SPAG16: variants seen among roughly 807,000 people sequenced by gnomAD.
SPAG16 encodes sperm associated antigen 16.
A neutral mutation model predicts 80.4 loss-of-function variants in SPAG16; 86 were observed. That is an observed-to-expected ratio of 1.07 (90% confidence interval 0.90 to 1.28). SPAG16 has a LOEUF of 1.28. Among genes scored for constraint, SPAG16 ranks in the 50% most tolerant of loss-of-function variants. SPAG16 has a pLI of 0.00. For synonymous variants in SPAG16, 294 were observed against 265.9 expected, an observed-to-expected ratio of 1.11 and a Z score of -1.03; for missense variants, 870 against 765.3, an observed-to-expected ratio of 1.14 and a Z score of -1.61.
At chr2:213,401,427 C>T (rs929949347) in intron 9 of SPAG16, among the ~76,000 whole-genome samples, 1 of 152,152 alleles carries the variant, frequency 6.6e-6, no homozygotes, top group Admixed American at 6.5e-5. Flanking sequence ...ACATTAAATT[C>T]TGTTCATATC....
chr2:213,436,075 C>T (rs970713310), intron 9 of SPAG16, among the ~76,000 whole-genome samples: 4 of 152,116 alleles, frequency 2.6e-5, no homozygotes, highest in African/African-American at 9.7e-5. Flanking sequence ...AATTTCTAGT[C>T]AGATGTAGCC....
At chr2:213,682,759 G>A (rs947323985) in intron 10 of SPAG16, among the ~76,000 whole-genome samples, 3 of 152,082 alleles carry the variant, frequency 2.0e-5, no homozygotes, top group African/African-American at 7.2e-5. Context: ...GAATGTTTCT[G>A]GTCGGAGGTG....
At chr2:213,331,740 A>G (rs2064117137) in intron 5 of SPAG16, among the ~76,000 whole-genome samples, 1 of 152,340 alleles carries the variant, frequency 6.6e-6, no homozygotes, top group Admixed American at 6.5e-5. Flanking sequence ...TTTGGAAACC[A>G]TATGAACATG....
intron 13 of SPAG16, among the ~76,000 whole-genome samples, chr2:214,033,176 A>G (rs887414124): frequency 1.3e-5 from 2 of 152,238 alleles, no homozygotes; most frequent in African/African-American, 4.8e-5. Context: ...TGACAACTGC[A>G]GCAAATGCAT....
intron 10 of SPAG16, among the ~76,000 whole-genome samples, chr2:213,811,848 A>G (rs1399511326): frequency 6.6e-6 from 1 of 152,200 alleles, no homozygotes; most frequent in East Asian, 1.9e-4. Flanking sequence ...AGGAAAGGCA[A>G]GCAGTGAGGG....
At chr2:213,985,078 C>G (rs778958769) in intron 12 of SPAG16, among the ~76,000 whole-genome samples, 1 of 151,980 alleles carries the variant, frequency 6.6e-6, no homozygotes, top group Non-Finnish European at 1.5e-5. Context: ...AATGTAAGCT[C>G]TAGGAGAGGA....
At chr2:213,942,585 G>C (rs994701234) in intron 12 of SPAG16, among the ~76,000 whole-genome samples, 15 of 152,160 alleles carry the variant, frequency 9.9e-5, no homozygotes, top group Non-Finnish European at 2.2e-4. Flanking sequence ...TCATTCACGT[G>C]TTTGAAGCTT....
chr2:213,966,648 A>T (rs1433924430), intron 12 of SPAG16, among the ~76,000 whole-genome samples: 2 of 152,188 alleles, frequency 1.3e-5, no homozygotes, highest in African/African-American at 4.8e-5. Context: ...CAAATCTTCT[A>T]TGGTATACAT....
chr2:213,329,869 G>A lies in SPAG16; in HGVS notation c.537-10294G>A, dbSNP rs567756692. ...GGTCCCTCTGCTGTGTGCATTCTAGGGACTTGGTGCCTTGCATCTCAGCTA... is the reference window on the plus strand; with the variant it reads ...GGTCCCTCTGCTGTGTGCATTCTAGAGACTTGGTGCCTTGCATCTCAGCTA... On this transcript the variant is annotated intron_variant, in intron 5 of 15. Coordinates refer to ENST00000331683, the MANE Select transcript of SPAG16 (RefSeq NM_024532.5). 1.1e-3 allele frequency among the ~76,000 whole-genome samples: 165 copies of A among 152,298 alleles called. 1 individual carries two copies. The highest frequency in any genetic ancestry group is 3.8e-3 in the African/African-American group (157 of 41,560).
intron 13 of SPAG16, among the ~76,000 whole-genome samples, chr2:214,105,985 C>A (rs966024319): frequency 1.3e-5 from 2 of 151,890 alleles, no homozygotes; most frequent in Admixed American, 6.6e-5. Context: ...CAGGGTTTTT[C>A]AAGAGTGCCA....
chr2:213,353,296 C>G (rs2065436828), intron 7 of SPAG16, among the ~76,000 whole-genome samples: 1 of 152,124 alleles, frequency 6.6e-6, no homozygotes, highest in South Asian at 2.1e-4. Context: ...TTTTTCTGCT[C>G]CAGTACATCA....
intron 15 of SPAG16, among the ~76,000 whole-genome samples, chr2:214,179,380 T>TA (rs1220611810): frequency 2.0e-5 from 3 of 151,438 alleles, no homozygotes; most frequent in African/African-American, 7.2e-5. Context: ...CCCCAGCGTA[T>TA]ATACTGCTTC....
chr2:213,407,630 AGAGAGAG>A (rs2068699296), intron 9 of SPAG16, among the ~76,000 whole-genome samples: 1 of 94,314 alleles, frequency 1.1e-5, no homozygotes, highest in Admixed American at 1.0e-4. Flanking sequence ...AGAGAGAGAG[AGAGAGAG>A]AGACAGACAG....
intron 5 of SPAG16, among the ~76,000 whole-genome samples, chr2:213,323,178 C>T (rs141869538): frequency 0.044 from 6,739 of 152,282 alleles, 477 homozygotes; most frequent in African/African-American, 0.15. Context: ...CGGTGGCTTA[C>T]GCCTGTAATC....
intron 10 of SPAG16, among the ~76,000 whole-genome samples, chr2:213,852,685 C>A (rs1366966049): frequency 6.6e-6 from 1 of 152,140 alleles, no homozygotes; most frequent in Non-Finnish European, 1.5e-5. Context: ...GCTCCCCTGA[C>A]CACCTCATCA....
chr2:213,676,133 A>G (rs1460691984), intron 10 of SPAG16, among the ~76,000 whole-genome samples: 1 of 151,194 alleles, frequency 6.6e-6, no homozygotes, highest in Non-Finnish European at 1.5e-5. Context: ...TAGGTATTTT[A>G]TTCTCTTTGA....
At chr2:213,312,398 C>T (rs1350283913) in intron 4 of SPAG16, among the ~76,000 whole-genome samples, 2 of 151,534 alleles carry the variant, frequency 1.3e-5, no homozygotes, top group Non-Finnish European at 3.0e-5. Flanking sequence ...AATCTAATTC[C>T]AGTACCCTTA....
chr2:213,958,609 A>C (rs1339844302), intron 12 of SPAG16, among the ~76,000 whole-genome samples: 1 of 152,206 alleles, frequency 6.6e-6, no homozygotes. Context: ...ATGTTCCAAA[A>C]TTATATCTTT....
intron 10 of SPAG16, among the ~76,000 whole-genome samples, chr2:213,525,291 T>C (rs1031870045): frequency 1.4e-5 from 2 of 142,612 alleles, no homozygotes; most frequent in African/African-American, 2.6e-5. Context: ...TTTCTTTTTT[T>C]TTTTTTTTTT....
Sources: gnomAD v4.1 joint callset for allele counts (sites outside exome capture counted in the v4.1 genomes callset) on GRCh38, gnomAD v4.1.1 for gene constraint, MANE v1.5 for transcripts, NCBI Gene and HGNC (gene_info 2026-07-23, HGNC 2026-07-21) for gene names.